The following DHCR24 variants were observed in gnomAD, a reference collection of about 807,000 sequenced individuals.
DHCR24 encodes delta(24)-sterol reductase.
Under a neutral mutation model 61.2 loss-of-function variants are expected in DHCR24, and 28 were observed. The observed-to-expected ratio is 0.46, with a 90% CI of 0.34 to 0.63. The LOEUF (loss-of-function observed/expected upper bound fraction) is 0.63, where lower values mean the gene tolerates loss of function less well. Ranked by LOEUF, DHCR24 falls within the 20% of genes least tolerant of loss-of-function variation. The pLI, the probability that DHCR24 is intolerant of heterozygous loss-of-function variation, is 0.01. For synonymous variants in DHCR24, 261 were observed against 275.9 expected, an observed-to-expected ratio of 0.95 and a Z score of 0.54; for missense variants, 538 against 679.1, an observed-to-expected ratio of 0.79 and a Z score of 2.31.
At chr1:54,861,824 T>G (rs1361829575) in intron 6 of DHCR24, among the ~76,000 whole-genome samples, 1 of 152,118 alleles carries the variant, frequency 6.6e-6, no homozygotes, top group East Asian at 1.9e-4. Flanking sequence ...GTTAACTCAT[T>G]TCCCACTCTC....
Position 54,887,170 on chromosome 1 carries a change from C to G in DHCR24, c.-51G>C. On this transcript the variant is annotated 5_prime_UTR_variant, in exon 1 of 9. Coordinates refer to ENST00000371269, the MANE Select transcript of DHCR24 (RefSeq NM_014762.4). ...GCGGGTTCGCGCCTCCTGTCACTGCCGCCAGCTCCGCGCCTGGCCCGCTCT... is the reference window on the plus strand; with the variant it reads ...GCGGGTTCGCGCCTCCTGTCACTGCGGCCAGCTCCGCGCCTGGCCCGCTCT... The G allele has an allele frequency of 6.8e-7, 1 of 1,465,566 alleles. No homozygotes were observed. Among genetic ancestry groups the G allele is most frequent in the Non-Finnish European group, 9.2e-7 (1 of 1,083,774 alleles). 90.8% of individuals were successfully genotyped at this position (1,465,566 alleles called of 1,614,324 possible). A position where few individuals can be genotyped will look rare whatever the true frequency, so the allele number is the denominator to read the frequency against.
At chr1:54,865,151 C>G (rs762165079) in intron 6 of DHCR24, 152 bp downstream of exon 6, 1 of 932,070 alleles carries the variant, frequency 1.1e-6, no homozygotes, top group Non-Finnish European at 1.6e-6. Flanking sequence ...CAGAAGGAAA[C>G]GACTGTGTTG....
rs189204044 is a variant in DHCR24 at position 54,852,461 on chromosome 1, C to T, written c.1398-75G>A. 1,781 of 1,534,648 alleles carry T rather than the reference C, an allele frequency of 1.2e-3. 4 individuals are homozygous for T. Among genetic ancestry groups the T allele is most frequent in the Non-Finnish European group, 1.5e-3 (1,638 of 1,114,284 alleles). On this transcript the variant is annotated intron_variant, in intron 8 of 8. Transcript: ENST00000371269. ...GAGGCGTGAGAGAAACCCAACTGCT[C>T]ATTCTGCAGCCCAGAAAAGGCTTTT...
At chr1:54,871,309 C>T in intron 5 of DHCR24, 41 bp downstream of exon 5, 1 of 1,611,820 alleles carries the variant, frequency 6.2e-7, no homozygotes, top group Non-Finnish European at 8.5e-7. Flanking sequence ...ACACTCATGC[C>T]TCCCCAGTCT....
chr1:54,886,739 C>A (rs751236976), intron 1 of DHCR24, 150 bp downstream of exon 1: 70 of 1,228,322 alleles, frequency 5.7e-5, no homozygotes, highest in Non-Finnish European at 6.6e-5. Context: ...ATTTTTGTTT[C>A]GTTCCAACCC....
chr1:54,854,258 G>C lies in DHCR24; in HGVS notation c.1021-24C>G, dbSNP rs761762387. The C allele has an allele frequency of 1.2e-5, 19 of 1,601,078 alleles. No individual in the cohort carries two copies. The South Asian group carries it at 1.7e-4, about 14-fold the overall frequency. On this transcript the variant is annotated intron_variant, in intron 6 of 8. Transcript: ENST00000371269. ...TCCTGGAAAACAAAGATTAGGGTTG[G>C]AGAGAAAAAAACCAACAAGGGTTGA...
intron 6 of DHCR24, among the ~76,000 whole-genome samples, chr1:54,864,174 A>G (rs561207193): frequency 2.0e-5 from 3 of 152,242 alleles, no homozygotes; most frequent in Non-Finnish European, 4.4e-5. Context: ...CAGAATTAGC[A>G]TATGACCCAG....
intron 6 of DHCR24, among the ~76,000 whole-genome samples, chr1:54,860,810 C>A (rs1335347138): frequency 6.6e-6 from 1 of 151,982 alleles, no homozygotes; most frequent in East Asian, 1.9e-4. Context: ...ATGGTGAAAC[C>A]CCGTCTCTGC....
In DHCR24 at chr1:54,885,932, A is replaced by C. The variant is rs1570206394; in HGVS notation, c.231+957T>G. On this transcript the variant is annotated intron_variant, in intron 1 of 8. Transcript: ENST00000371269. ...AAAATCCAGAGCTACAGGGCAAAGC[A>C]CTTCCAGACACTGCGTTCTCCCACC... 2.0e-5 allele frequency among the ~76,000 whole-genome samples: 3 copies of C among 152,180 alleles called. No homozygotes were observed. The South Asian group carries it at 6.2e-4, about 32-fold the overall frequency.
At position 54,882,768 on chromosome 1, in the gene DHCR24, T is replaced by C. The variant is rs78026779; in HGVS notation, c.387+850A>G. On this transcript the variant is annotated intron_variant, in intron 2 of 8. Transcript: ENST00000371269. ...AACAAAAAGTACTGTATGATTCCAT[T>C]TATATAAACTCTAGAATCAAACTAA... is the stretch of plus-strand genomic sequence containing the variant. Among the ~76,000 whole-genome samples, 1,336 of 152,280 alleles carry C rather than the reference T, an allele frequency of 8.8e-3. 56 individuals are homozygous for C. The East Asian group carries it at 0.12, about 14-fold the overall frequency.
chr1:54,885,546 C>G (rs879678412), intron 1 of DHCR24, among the ~76,000 whole-genome samples: 1 of 152,184 alleles, frequency 6.6e-6, no homozygotes, highest in Non-Finnish European at 1.5e-5. Context: ...GACTCACACT[C>G]TGAAACTCAA....
intron 2 of DHCR24, among the ~76,000 whole-genome samples, chr1:54,879,780 C>T (rs971776178): frequency 2.6e-5 from 4 of 151,874 alleles, no homozygotes; most frequent in African/African-American, 9.7e-5. Flanking sequence ...AAGCAGACAT[C>T]AAAAGGGAAA....
Position 54,886,919 on chromosome 1 carries a change from G to C in DHCR24, c.201C>G (p.His67Gln). 1 of 1,613,332 alleles carries C rather than the reference G, an allele frequency of 6.2e-7. No homozygotes were observed. The highest frequency in any genetic ancestry group is 8.5e-7 in the Non-Finnish European group (1 of 1,179,620). The change falls in exon 1 of 9, where the codon CAC becomes CAG. Residue 67 changes from histidine to glutamine, a missense_variant. Coordinates refer to ENST00000371269, the MANE Select transcript of DHCR24 (RefSeq NM_014762.4). ...TCTGGATGTCCCGCACGCGCTGCTC[G>C]TGCAGGCGCGGAGCGCTGCTGAGCT... ...VFKLSSAPRL[H>Q]EQRVRDIQKQ...
chr1:54,887,123 G>T lies in DHCR24; in HGVS notation c.-4C>A. The T allele has an allele frequency of 8.3e-6, 13 of 1,564,208 alleles. No homozygotes were observed. Among genetic ancestry groups the T allele is most frequent in the Non-Finnish European group, 1.1e-5 (13 of 1,155,690 alleles). ...CCAGCGACACGGCGGGCTCCATGGTGCGGCGCCGCGCGGTAAGCGCTGCGG... is the reference window on the plus strand; with the variant it reads ...CCAGCGACACGGCGGGCTCCATGGTTCGGCGCCGCGCGGTAAGCGCTGCGG... On this transcript the variant is annotated 5_prime_UTR_variant, in exon 1 of 9. Transcript: ENST00000371269.
chr1:54,857,142 C>T (rs1372229841), intron 6 of DHCR24, among the ~76,000 whole-genome samples: 1 of 152,248 alleles, frequency 6.6e-6, no homozygotes, highest in Admixed American at 6.5e-5. Context: ...CTGCCCTTCT[C>T]CTTTCCCGCT....
intron 2 of DHCR24, among the ~76,000 whole-genome samples, chr1:54,880,670 C>T (rs532633269): frequency 1.6e-4 from 24 of 152,156 alleles, no homozygotes; most frequent in Middle Eastern, 3.4e-3. Context: ...GAGGCTGAGG[C>T]ACAAGAATTG....
intron 3 of DHCR24, 114 bp downstream of exon 3, chr1:54,875,826 TTC>T: frequency 4.9e-6 from 4 of 814,846 alleles, no homozygotes; most frequent in Non-Finnish European, 8.5e-6. Context: ...ACTGAATGAC[TTC>T]TGTCACAGAT....
chr1:54,856,158 G>A lies in DHCR24; in HGVS notation c.1021-1924C>T, dbSNP rs78293213. On this transcript the variant is annotated intron_variant, in intron 6 of 8. Coordinates refer to ENST00000371269, the MANE Select transcript of DHCR24 (RefSeq NM_014762.4). ...TGGGTGTCTAATGTGTGCTGCAGGGGTCCACAAATTCGGCCCACCCTCTGG... is the reference window on the plus strand; with the variant it reads ...TGGGTGTCTAATGTGTGCTGCAGGGATCCACAAATTCGGCCCACCCTCTGG... Among the ~76,000 whole-genome samples, 42 of 152,316 alleles carry A rather than the reference G, an allele frequency of 2.8e-4. No homozygotes were observed. The East Asian group carries it at 6.6e-3, about 24-fold the overall frequency.
chr1:54,879,308 G>A (rs1377554466), intron 2 of DHCR24, among the ~76,000 whole-genome samples: 1 of 124,728 alleles, frequency 8.0e-6, no homozygotes, highest in African/African-American at 3.2e-5. Context: ...GGAGGACAGA[G>A]CAAGACTCCA....
Sources: gnomAD v4.1 joint callset for allele counts (sites outside exome capture counted in the v4.1 genomes callset) on GRCh38, gnomAD v4.1.1 for gene constraint, MANE v1.5 for transcripts, NCBI Gene and HGNC (gene_info 2026-07-23, HGNC 2026-07-21) for gene names.